The following RBMS3 variants were observed in gnomAD, a reference collection of about 807,000 sequenced individuals.
RBMS3 encodes RNA binding motif single stranded interacting protein 3, also known as RNA-binding motif, single-stranded-interacting protein 3.
In RBMS3, 27 loss-of-function variants were observed where a neutral mutation model predicts 66.8. That is an observed-to-expected ratio of 0.40 (90% CI 0.30 to 0.56). The LOEUF (loss-of-function observed/expected upper bound fraction) is 0.56, where lower values mean the gene tolerates loss of function less well. Among genes scored for constraint, RBMS3 ranks in the 20% least tolerant of loss-of-function variants. RBMS3 has a pLI of 0.40. For synonymous variants in RBMS3, 188 were observed against 183.0 expected (o/e 1.03, Z -0.22); for missense variants, 513 against 549.5 (o/e 0.93, Z 0.66).
chr3:29,773,498 A>G (rs1291487377), intron 6 of RBMS3, among the ~76,000 whole-genome samples: 1 of 152,016 alleles, frequency 6.6e-6, no homozygotes, highest in Non-Finnish European at 1.5e-5. Context: ...TGTGAGACAC[A>G]TTTTGGACCA....
chr3:29,442,386 C>A (rs1356483989), intron 2 of RBMS3, among the ~76,000 whole-genome samples: 1 of 152,004 alleles, frequency 6.6e-6, no homozygotes, highest in East Asian at 1.9e-4. Flanking sequence ...GTTTACATAT[C>A]TCATGATCAA....
intron 5 of RBMS3, among the ~76,000 whole-genome samples, chr3:29,761,844 A>G (rs2055702472): frequency 1.3e-5 from 2 of 152,158 alleles, no homozygotes; most frequent in South Asian, 4.1e-4. Flanking sequence ...CACATTTTAC[A>G]CATTTCACAC....
intron 4 of RBMS3, among the ~76,000 whole-genome samples, chr3:29,710,524 G>A (rs1045334220): frequency 3.3e-5 from 5 of 152,084 alleles, no homozygotes; most frequent in African/African-American, 9.7e-5. Context: ...CACAGCATTC[G>A]GGGTCAGGCA....
chr3:29,291,125 A>G (rs916854580), intron 1 of RBMS3, among the ~76,000 whole-genome samples: 1 of 151,890 alleles, frequency 6.6e-6, no homozygotes, highest in African/African-American at 2.4e-5. Context: ...AAAGTTGACA[A>G]TGTATTATGT....
chr3:29,556,176 A>T (rs1028918437), intron 3 of RBMS3, among the ~76,000 whole-genome samples: 1 of 152,232 alleles, frequency 6.6e-6, no homozygotes, highest in East Asian at 1.9e-4. Flanking sequence ...TTGAAAAGAC[A>T]AAATTATTTC....
chr3:29,803,508 A>T (rs1050382221), intron 6 of RBMS3, among the ~76,000 whole-genome samples: 1 of 152,140 alleles, frequency 6.6e-6, no homozygotes, highest in Non-Finnish European at 1.5e-5. Context: ...GCTAAAATTC[A>T]TTGGAATATC....
chr3:29,850,860 C>T (rs939880898), intron 6 of RBMS3, among the ~76,000 whole-genome samples: 4 of 152,206 alleles, frequency 2.6e-5, no homozygotes, highest in Non-Finnish European at 4.4e-5. Context: ...GGAAAGGGAT[C>T]GAGAAAGGAT....
intron 4 of RBMS3, among the ~76,000 whole-genome samples, chr3:29,693,167 T>C (rs1460804538): frequency 5.9e-5 from 9 of 152,196 alleles, no homozygotes; most frequent in Admixed American, 5.9e-4. Flanking sequence ...CACTCTTCTT[T>C]ACATTTTTTC....
At chr3:29,702,239 G>T (rs1396712930) in intron 4 of RBMS3, among the ~76,000 whole-genome samples, 1 of 152,012 alleles carries the variant, frequency 6.6e-6, no homozygotes, top group African/African-American at 2.4e-5. Flanking sequence ...CCTGTGTCTA[G>T]CTCAAGGTTT....
intron 1 of RBMS3, among the ~76,000 whole-genome samples, chr3:29,355,135 G>A (rs1309610981): frequency 6.6e-6 from 1 of 152,006 alleles, no homozygotes; most frequent in Non-Finnish European, 1.5e-5. Flanking sequence ...TTAATTACAT[G>A]AGCTCCTGCC....
At chr3:29,952,923 A>G (rs1469458371) in intron 12 of RBMS3, among the ~76,000 whole-genome samples, 1 of 151,912 alleles carries the variant, frequency 6.6e-6, no homozygotes, top group African/African-American at 2.4e-5. Flanking sequence ...TAAAATATGA[A>G]GATTTGGTAA....
chr3:29,637,942 A>G (rs900668143), intron 4 of RBMS3, among the ~76,000 whole-genome samples: 6 of 151,932 alleles, frequency 3.9e-5, no homozygotes, highest in Admixed American at 2.6e-4. Context: ...CTCTTTGCCA[A>G]TGCAAAACAA....
intron 4 of RBMS3, among the ~76,000 whole-genome samples, chr3:29,705,660 C>A (rs1258394221): frequency 2.6e-5 from 4 of 152,180 alleles, no homozygotes; most frequent in African/African-American, 9.6e-5. Context: ...CACCCTCCTG[C>A]ACATCTCCTC....
intron 1 of RBMS3, among the ~76,000 whole-genome samples, chr3:29,372,038 C>G (rs549142922): frequency 6.6e-6 from 1 of 152,142 alleles, no homozygotes; most frequent in East Asian, 1.9e-4. Context: ...ACAAGCATAG[C>G]CAAAAGGCAC....
chr3:29,753,666 A>G (rs2055280706), intron 5 of RBMS3, among the ~76,000 whole-genome samples: 3 of 152,218 alleles, frequency 2.0e-5, no homozygotes, highest in African/African-American at 7.2e-5. Flanking sequence ...AAAGCTAAAG[A>G]GGTCAGTTAC....
chr3:29,427,375 A>T (rs1306712633), intron 1 of RBMS3, among the ~76,000 whole-genome samples: 1 of 152,220 alleles, frequency 6.6e-6, no homozygotes, highest in Non-Finnish European at 1.5e-5. Context: ...CACAGAGAGT[A>T]TTCATATTCA....
chr3:29,888,170 A>G (rs1223600517), intron 8 of RBMS3, among the ~76,000 whole-genome samples: 1 of 151,698 alleles, frequency 6.6e-6, no homozygotes, highest in African/African-American at 2.4e-5. Context: ...AACTATTTGA[A>G]CAGTTGCAAA....
intron 1 of RBMS3, among the ~76,000 whole-genome samples, chr3:29,347,868 T>A (rs947979991): frequency 6.6e-6 from 1 of 152,192 alleles, no homozygotes; most frequent in Non-Finnish European, 1.5e-5. Context: ...TTCCGGATGA[T>A]AAGGGCCTTA....
chr3:29,366,056 G>T (rs1477357005), intron 1 of RBMS3, among the ~76,000 whole-genome samples: 4 of 152,164 alleles, frequency 2.6e-5, no homozygotes, highest in Non-Finnish European at 4.4e-5. Flanking sequence ...TGAAGTAAGA[G>T]TTGAACCAAC....
Sources: gnomAD v4.1 joint callset for allele counts (sites outside exome capture counted in the v4.1 genomes callset) on GRCh38, gnomAD v4.1.1 for gene constraint, MANE v1.5 for transcripts, NCBI Gene and HGNC (gene_info 2026-07-23, HGNC 2026-07-21) for gene names.